NKAP: variants seen among roughly 807,000 people sequenced by gnomAD.
NKAP encodes NFKB activating protein.
A neutral mutation model predicts 35.6 loss-of-function variants in NKAP; 4 were observed. The ratio of observed to expected loss-of-function variants is 0.11; its 90% CI spans 0.06 to 0.26. NKAP has a LOEUF of 0.26. NKAP is among the 10% of genes least tolerant of loss of function. The probability of loss-of-function intolerance (pLI) is 1.00; values close to 1 mark genes in which losing one functional copy is unlikely to be tolerated. For missense variants in NKAP, 238 were observed against 321.9 expected (o/e 0.74, Z 1.99); for synonymous variants, 106 against 119.2 (o/e 0.89, Z 0.72).
chrX:119,926,245 C>T (rs1306711518), intron 8 of NKAP, among the ~76,000 whole-genome samples: 3 of 90,199 alleles, frequency 3.3e-5, no homozygotes, highest in Non-Finnish European at 6.4e-5. Flanking sequence ...CGTGAGCCAC[C>T]GCGCCTGGCC....
intron 5 of NKAP, 48 bp downstream of exon 5, chrX:119,934,430 CAAAAAAAAAAAAAAAA>C: frequency 5.2e-6 from 1 of 190,564 alleles, no homozygotes; most frequent in Non-Finnish European, 6.9e-6. Flanking sequence ...GACTCTGTCT[CAAAAAAAAAAAAAAAA>C]AAAAAAAAAG....
chrX:119,925,929 C>A (rs866178586), intron 8 of NKAP, among the ~76,000 whole-genome samples: 2 of 46,444 alleles, frequency 4.3e-5, no homozygotes, highest in Admixed American at 2.7e-4. Context: ...ATCCTTTTTT[C>A]TTTTTTTTTT....
At chrX:119,935,516 T>C (rs1026555713) in intron 4 of NKAP, among the ~76,000 whole-genome samples, 8 of 111,537 alleles carry the variant, frequency 7.2e-5, no homozygotes, top group Non-Finnish European at 1.1e-4. Flanking sequence ...AGGTATTTGG[T>C]GTATAGGGTA....
At chrX:119,928,581 A>G (rs776485563) in intron 8 of NKAP, among the ~76,000 whole-genome samples, 2 of 111,562 alleles carry the variant, frequency 1.8e-5, no homozygotes, top group South Asian at 7.5e-4. Context: ...TTTTTTTTTT[A>G]AGACGGAGTT....
chrX:119,934,297 G>A (rs2056755102), intron 5 of NKAP, among the ~76,000 whole-genome samples, 197 bp downstream of exon 5: 1 of 106,680 alleles, frequency 9.4e-6, no homozygotes, highest in Admixed American at 1.0e-4. Flanking sequence ...GCCAGGCATG[G>A]TGGTGGGTGC....
intron 8 of NKAP, among the ~76,000 whole-genome samples, chrX:119,925,947 A>ATTTTTTTTT (rs1238211722): frequency 5.5e-4 from 29 of 52,383 alleles, no homozygotes; most frequent in African/African-American, 6.5e-4. Flanking sequence ...TTTTTTTTTA[A>ATTTTTTTTT]TTTTTTTTTT....
chrX:119,933,115 AAT>A (rs1390418556), intron 5 of NKAP, among the ~76,000 whole-genome samples: 2 of 112,417 alleles, frequency 1.8e-5, no homozygotes, highest in African/African-American at 6.5e-5. Context: ...AATGGATTAA[AAT>A]ATGTCAAATA....
In NKAP at chrX:119,943,610, A is replaced by G. The variant is rs1178329246; in HGVS notation, c.-5T>C. ...TGAGCCGGACACCGGAGCCATGGCT[A>G]CTGGGGGGCCCCAGCAGCCGTGGGA... On this transcript the variant is annotated 5_prime_UTR_variant, in exon 1 of 9. Coordinates refer to ENST00000371410, the MANE Select transcript of NKAP (RefSeq NM_024528.4). 8.6e-7 allele frequency: 1 copy of G among 1,163,368 alleles called. No individual in the cohort carries two copies. Among genetic ancestry groups the G allele is most frequent in the African/African-American group, 1.8e-5 (1 of 56,173 alleles).
intron 1 of NKAP, among the ~76,000 whole-genome samples, chrX:119,939,276 TTTTTA>T (rs201646089): frequency 0.097 from 10,775 of 111,567 alleles, 600 homozygotes; most frequent in African/African-American, 0.21. Flanking sequence ...GAAAGAAAAG[TTTTTA>T]TTTTATTTTA....
At position 119,943,524 on chromosome X, in the gene NKAP, G is replaced by T. The variant is rs1335827840; in HGVS notation, c.82C>A (p.Pro28Thr). The T allele has an allele frequency of 4.1e-6, 5 of 1,209,273 alleles. No homozygotes were observed. The highest frequency in any genetic ancestry group is 5.6e-6 in the Non-Finnish European group (5 of 894,445). The change falls in exon 1 of 9, where the codon CCG (proline) becomes ACG (threonine). Residue 28 changes from proline to threonine, a missense_variant. Pro to Thr is a conservative substitution (Grantham distance 38). This residue lies in a region of NKAP where 123 missense variants were observed against 115.3 expected (regional missense o/e 1.07). Coordinates refer to ENST00000371410, the MANE Select transcript of NKAP (RefSeq NM_024528.4). ...GGRRRSSSKS[P>T]KPSKSARSPR... Reference sequence around the variant, plus strand: ...GAGCGGGCAGATTTGCTGGGCTTCGGACTCTTCGACGAACTGCGACGTCTT... The same window carrying T: ...GAGCGGGCAGATTTGCTGGGCTTCGTACTCTTCGACGAACTGCGACGTCTT...
intron 1 of NKAP, among the ~76,000 whole-genome samples, chrX:119,940,552 A>G (rs1271691206): frequency 9.0e-6 from 1 of 111,710 alleles, no homozygotes; most frequent in Non-Finnish European, 1.9e-5. Flanking sequence ...CTAAAAAACA[A>G]AACAAAACAA....
Position 119,925,225 on chromosome X carries a change from T to C in NKAP, c.1243A>G (p.Lys415Glu). The C allele has an allele frequency of 8.3e-7, 1 of 1,208,905 alleles. No individual in the cohort carries two copies. The highest frequency in any genetic ancestry group is 1.1e-6 in the Non-Finnish European group (1 of 894,891). Residue 415 changes from lysine to glutamate, a missense_variant, in exon 9 of 9, where the codon AAA (lysine) becomes GAA (glutamate). Lys to Glu is a moderately conservative substitution (Grantham distance 56). Transcript: ENST00000371410. ...TCTGGACAATCAGAAAATCTTTATT[T>C]GTCATCCTTCCCTTTGGTCTTTCTG... ...VYRKTKGKDD[K>E]
chrX:119,937,917 G>A (rs1328233597), intron 2 of NKAP: 2 of 111,629 alleles, frequency 1.8e-5, no homozygotes, highest in African/African-American at 6.5e-5. Flanking sequence ...TACCTGTCAA[G>A]CACATTGTCT....
Position 119,922,252 on chromosome X carries a change from C to T in NKAP, c.*2968G>A. 1 of 111,976 alleles carries T rather than the reference C, an allele frequency of 8.9e-6. No individual in the cohort carries two copies. The highest frequency in any genetic ancestry group is 3.2e-5 in the African/African-American group (1 of 30,975). 9.2% of individuals were successfully genotyped at this position (111,976 alleles called of 1,213,427 possible). A position where few individuals can be genotyped will look rare whatever the true frequency, so the allele number is the denominator to read the frequency against. On this transcript the variant is annotated 3_prime_UTR_variant, in exon 9 of 9. Transcript: ENST00000371410. ...ACTAGTTTCTTTTAACTTTTGAAAA[C>T]TACAGATTTATTAGGCTAGGCAGCA... is the stretch of plus-strand genomic sequence containing the variant.
At chrX:119,927,369 T>C (rs1441259384) in intron 8 of NKAP, among the ~76,000 whole-genome samples, 4 of 110,506 alleles carry the variant, frequency 3.6e-5, no homozygotes, top group Non-Finnish European at 7.6e-5. Context: ...TTTGAGATAG[T>C]GTTTTGCTCT....
chrX:119,927,107 G>A (rs1460373130), intron 8 of NKAP, among the ~76,000 whole-genome samples: 1 of 97,392 alleles, frequency 1.0e-5, no homozygotes, highest in Non-Finnish European at 2.1e-5. Context: ...ATCTGTAATT[G>A]AACAGCAGTT....
In NKAP at chrX:119,925,079, TG is replaced by T; in HGVS notation, c.*140del. ...GTTATATCAATAAGCAGCTTTTTAT[TG>T]AAGGACTGAAAGAATTAAATAGAAG... On this transcript the variant is annotated 3_prime_UTR_variant, in exon 9 of 9. Transcript: ENST00000371410. 3.4e-6 allele frequency: 2 copies of T among 585,681 alleles called. No individual in the cohort carries two copies. The highest frequency in any genetic ancestry group is 5.3e-6 in the Non-Finnish European group (2 of 377,071). The allele number at this position is 585,681 out of a possible 1,213,427, so 48.3% of individuals were successfully genotyped here. A position where few individuals can be genotyped will look rare whatever the true frequency, so the allele number is the denominator to read the frequency against.
intron 1 of NKAP, among the ~76,000 whole-genome samples, chrX:119,941,004 G>T (rs771708486): frequency 1.3e-3 from 141 of 110,551 alleles, no homozygotes; most frequent in Non-Finnish European, 2.1e-3. Context: ...GCTGGGTGTG[G>T]TGGTGCATAC....
At chrX:119,934,692 C>G (rs1025860188) in intron 4 of NKAP, 135 bp from the exon 5 acceptor site, 2 of 399,953 alleles carry the variant, frequency 5.0e-6, no homozygotes, top group African/African-American at 5.4e-5. Flanking sequence ...ACATTTATTG[C>G]TATTTGTCAC....
Sources: gnomAD v4.1 joint callset for allele counts (sites outside exome capture counted in the v4.1 genomes callset) on GRCh38, gnomAD v4.1.1 for gene constraint, gnomAD v4.1.1 regional missense constraint, MANE v1.5 for transcripts, NCBI Gene and HGNC (gene_info 2026-07-23, HGNC 2026-07-21) for gene names.